The following ATRNL1 variants were observed in gnomAD, a reference collection of about 807,000 sequenced individuals.
The protein encoded by ATRNL1 is attractin like 1.
A neutral mutation model predicts 182.7 loss-of-function variants in ATRNL1; 95 were observed. The ratio of observed to expected loss-of-function variants is 0.52; its 90% CI spans 0.44 to 0.62. The LOEUF (loss-of-function observed/expected upper bound fraction) is 0.62. Ranked by LOEUF, ATRNL1 falls within the 20% of genes least tolerant of loss-of-function variation. The probability of loss-of-function intolerance (pLI) is 0.00; values close to 1 mark genes in which losing one functional copy is unlikely to be tolerated. For missense variants in ATRNL1, 1,471 were observed against 1,679.5 expected (o/e 0.88, Z 2.17); for synonymous variants, 576 against 568.3 (o/e 1.01, Z -0.19).
chr10:115,267,988 T>G (rs1851678954), intron 12 of ATRNL1, among the ~76,000 whole-genome samples: 1 of 152,100 alleles, frequency 6.6e-6, no homozygotes, highest in African/African-American at 2.4e-5. Flanking sequence ...CTTGAACTCC[T>G]GACCTCAAGT....
intron 21 of ATRNL1, among the ~76,000 whole-genome samples, chr10:115,441,205 A>G (rs1206133499): frequency 6.6e-6 from 1 of 151,856 alleles, no homozygotes; most frequent in Admixed American, 6.6e-5. Context: ...TACTGGACCA[A>G]TTTCCTTAGC....
intron 27 of ATRNL1, among the ~76,000 whole-genome samples, chr10:115,829,178 A>AT (rs1950505899): frequency 6.6e-6 from 1 of 152,194 alleles, no homozygotes; most frequent in Admixed American, 6.5e-5. Flanking sequence ...GGAAAAAAAA[A>AT]TGCACTGAAT....
chr10:115,323,074 C>A (rs1339381073), intron 18 of ATRNL1, among the ~76,000 whole-genome samples: 2 of 151,680 alleles, frequency 1.3e-5, no homozygotes, highest in East Asian at 1.9e-4. Flanking sequence ...TTTTTATTTT[C>A]TTTTCTCTTT....
intron 26 of ATRNL1, among the ~76,000 whole-genome samples, chr10:115,554,606 C>A (rs1853204382): frequency 6.6e-6 from 1 of 151,480 alleles, no homozygotes; most frequent in Admixed American, 6.6e-5. Context: ...TAAAACATTT[C>A]AATAAGGCAG....
chr10:115,336,983 G>GC (rs1433631084), intron 19 of ATRNL1, among the ~76,000 whole-genome samples: 10 of 146,860 alleles, frequency 6.8e-5, no homozygotes, highest in East Asian at 2.0e-4. Context: ...GTAGCTGGGG[G>GC]GGGGGGACTA....
intron 26 of ATRNL1, among the ~76,000 whole-genome samples, chr10:115,694,006 A>G (rs1555048980): frequency 1.3e-5 from 2 of 152,130 alleles, no homozygotes. Flanking sequence ...ATGACTATCC[A>G]TATAGTATGA....
At chr10:115,232,704 TA>T (rs1850008384) in intron 9 of ATRNL1, among the ~76,000 whole-genome samples, 1 of 151,944 alleles carries the variant, frequency 6.6e-6, no homozygotes, top group Non-Finnish European at 1.5e-5. Flanking sequence ...TGTGTGTGTG[TA>T]TGTGTGTGTG....
intron 21 of ATRNL1, among the ~76,000 whole-genome samples, chr10:115,459,411 G>A (rs1406890550): frequency 1.3e-5 from 2 of 152,174 alleles, no homozygotes; most frequent in Non-Finnish European, 2.9e-5. Flanking sequence ...CCCTGAGAAA[G>A]AGAATGCGCA....
chr10:115,425,458 A>G (rs1178171289), intron 20 of ATRNL1, among the ~76,000 whole-genome samples: 1 of 152,024 alleles, frequency 6.6e-6, no homozygotes, highest in Non-Finnish European at 1.5e-5. Context: ...AATGTTATGC[A>G]AAACCATGCT....
intron 19 of ATRNL1, among the ~76,000 whole-genome samples, chr10:115,381,564 T>C (rs566460873): frequency 1.3e-5 from 2 of 151,748 alleles, no homozygotes; most frequent in East Asian, 3.9e-4. Flanking sequence ...CAAGTCACCG[T>C]GCCAGGCCAT....
intron 24 of ATRNL1, among the ~76,000 whole-genome samples, chr10:115,475,633 T>C (rs1554972961): frequency 1.3e-5 from 2 of 151,464 alleles, no homozygotes; most frequent in Non-Finnish European, 3.0e-5. Context: ...AGATTACTAG[T>C]GGTACTTAAT....
At chr10:115,698,759 A>G (rs1196228782) in intron 26 of ATRNL1, among the ~76,000 whole-genome samples, 1 of 151,962 alleles carries the variant, frequency 6.6e-6, no homozygotes, top group African/African-American at 2.4e-5. Flanking sequence ...GCCTGGCAAC[A>G]GAGCGAGACT....
chr10:115,491,855 G>C (rs1272155487), intron 24 of ATRNL1, among the ~76,000 whole-genome samples: 1 of 152,146 alleles, frequency 6.6e-6, no homozygotes, highest in African/African-American at 2.4e-5. Flanking sequence ...TTTTGTGCTT[G>C]AAACCTAGGG....
At chr10:115,914,930 T>G (rs1308726778) in intron 28 of ATRNL1, among the ~76,000 whole-genome samples, 1 of 152,146 alleles carries the variant, frequency 6.6e-6, no homozygotes, top group Admixed American at 6.5e-5. Flanking sequence ...TTGTAAAAAT[T>G]TATTGAGAAA....
At chr10:115,406,731 C>G (rs536942504) in intron 20 of ATRNL1, among the ~76,000 whole-genome samples, 1 of 152,070 alleles carries the variant, frequency 6.6e-6, no homozygotes, top group South Asian at 2.1e-4. Flanking sequence ...TCTCCTTAAT[C>G]ATTTTTAGTA....
intron 27 of ATRNL1, among the ~76,000 whole-genome samples, chr10:115,755,520 A>C (rs945345452): frequency 6.6e-6 from 1 of 152,098 alleles, no homozygotes; most frequent in African/African-American, 2.4e-5. Context: ...GGATGAAGCC[A>C]ACTTGATCAT....
chr10:115,460,859 G>A (rs373185520), intron 21 of ATRNL1, among the ~76,000 whole-genome samples: 1 of 151,946 alleles, frequency 6.6e-6, no homozygotes, highest in African/African-American at 2.4e-5. Flanking sequence ...TATCTCTAGG[G>A]CCTAGAACAC....
intron 27 of ATRNL1, among the ~76,000 whole-genome samples, chr10:115,737,551 G>C (rs1947994433): frequency 6.6e-6 from 1 of 152,066 alleles, no homozygotes; most frequent in South Asian, 2.1e-4. Flanking sequence ...CTGAACACAG[G>C]TTCTCTTTGG....
intron 24 of ATRNL1, among the ~76,000 whole-genome samples, chr10:115,498,578 C>T (rs1435152833): frequency 6.6e-6 from 1 of 151,970 alleles, no homozygotes; most frequent in African/African-American, 2.4e-5. Context: ...AAGCACCTCA[C>T]TGTTACTACA....
Sources: gnomAD v4.1 joint callset for allele counts (sites outside exome capture counted in the v4.1 genomes callset) on GRCh38, gnomAD v4.1.1 for gene constraint, MANE v1.5 for transcripts, NCBI Gene and HGNC (gene_info 2026-07-23, HGNC 2026-07-21) for gene names.